The following ROCK2 variants were observed in gnomAD, a reference collection of about 807,000 sequenced individuals.
ROCK2 encodes the protein rho-associated protein kinase 2.
ROCK2 carries 61 observed loss-of-function variants against 195.1 expected under a neutral mutation model. The ratio of observed to expected loss-of-function variants is 0.31; its 90% confidence interval spans 0.25 to 0.39. The LOEUF (loss-of-function observed/expected upper bound fraction) is 0.39, where lower values mean the gene tolerates loss of function less well. Ranked by LOEUF, ROCK2 falls within the 10% of genes least tolerant of loss-of-function variation. The pLI is 1.00. For synonymous variants in ROCK2, 504 were observed against 545.5 expected (o/e 0.92, Z 1.06); for missense variants, 1,109 against 1,637.4 (o/e 0.68, Z 5.57).
chr2:11,214,055 T>C lies in ROCK2; in HGVS notation c.2043+302A>G, dbSNP rs189188386. On this transcript the variant is annotated intron_variant, in intron 17 of 32. Transcript: ENST00000315872. Reference sequence around the variant, plus strand: ...AGTCATGGTGACTTTATATATGGCATTTTTAAGACATGTTATGAGTCGAAA... The same window carrying C: ...AGTCATGGTGACTTTATATATGGCACTTTTAAGACATGTTATGAGTCGAAA... Among the ~76,000 whole-genome samples, 9 of 152,340 alleles carry C rather than the reference T, an allele frequency of 5.9e-5. 1 individual carries two copies. The East Asian group carries it at 1.7e-3, about 29-fold the overall frequency.
intron 1 of ROCK2, among the ~76,000 whole-genome samples, chr2:11,322,510 T>A (rs1463518970): frequency 3.3e-5 from 5 of 151,978 alleles, no homozygotes; most frequent in African/African-American, 1.2e-4. Context: ...GCATCCATAA[T>A]GCTCTTCTAA....
intron 20 of ROCK2, among the ~76,000 whole-genome samples, chr2:11,203,890 T>C (rs181875754): frequency 9.8e-5 from 15 of 152,332 alleles, no homozygotes; most frequent in Non-Finnish European, 2.1e-4. Context: ...AACCACAGTA[T>C]AATTTTAACA....
At chr2:11,325,200 C>T (rs1668510911) in intron 1 of ROCK2, among the ~76,000 whole-genome samples, 1 of 152,160 alleles carries the variant, frequency 6.6e-6, no homozygotes, top group African/African-American at 2.4e-5. Context: ...TCTCCTTATC[C>T]GTGAGTTGCA....
chr2:11,262,451 C>CA (rs1251168902), intron 3 of ROCK2, among the ~76,000 whole-genome samples: 2 of 152,204 alleles, frequency 1.3e-5, no homozygotes. Flanking sequence ...GCTGTGCCCC[C>CA]AAACAAATCT....
intron 3 of ROCK2, among the ~76,000 whole-genome samples, chr2:11,255,016 G>A (rs12618325): frequency 0.28 from 42,146 of 151,652 alleles, 6,192 homozygotes; most frequent in East Asian, 0.54. Flanking sequence ...AGGAGATTGA[G>A]ACCATCCTGG....
intron 1 of ROCK2, among the ~76,000 whole-genome samples, chr2:11,321,079 T>A (rs1668384891): frequency 6.6e-6 from 1 of 152,224 alleles, no homozygotes; most frequent in South Asian, 2.1e-4. Context: ...CTTGAGGTAC[T>A]GTACTCAAAA....
At chr2:11,255,743 A>G (rs1441162058) in intron 3 of ROCK2, among the ~76,000 whole-genome samples, 1 of 150,386 alleles carries the variant, frequency 6.6e-6, no homozygotes, top group Non-Finnish European at 1.5e-5. Context: ...AACATGGTGA[A>G]ACCCCGTCTC....
At chr2:11,308,920 T>C in intron 1 of ROCK2, 1 of 1,611,976 alleles carries the variant, frequency 6.2e-7, no homozygotes, top group Non-Finnish European at 8.5e-7. Flanking sequence ...TTCATCTACA[T>C]CAAACTTTGC....
At chr2:11,306,810 C>T (rs1386224193) in intron 1 of ROCK2, among the ~76,000 whole-genome samples, 2 of 152,212 alleles carry the variant, frequency 1.3e-5, no homozygotes, top group African/African-American at 4.8e-5. Flanking sequence ...AGCCATAATA[C>T]TGCAGCCAGC....
At chr2:11,198,376 C>A in intron 25 of ROCK2, 115 bp downstream of exon 25, 1 of 691,568 alleles carries the variant, frequency 1.4e-6, no homozygotes, top group Non-Finnish European at 2.4e-6. Flanking sequence ...TGTGACTTCA[C>A]AAATATTGGT....
intron 3 of ROCK2, among the ~76,000 whole-genome samples, chr2:11,275,192 G>A (rs931164322): frequency 6.6e-6 from 1 of 151,950 alleles, no homozygotes; most frequent in African/African-American, 2.4e-5. Flanking sequence ...GGGAGGCAGA[G>A]GTTGCAGTGA....
chr2:11,236,199 A>G (rs1665197974), intron 4 of ROCK2, among the ~76,000 whole-genome samples: 1 of 152,134 alleles, frequency 6.6e-6, no homozygotes, highest in South Asian at 2.1e-4. Context: ...CCCCTCATGG[A>G]GAACACAATA....
chr2:11,235,186 C>A lies in ROCK2; in HGVS notation c.723+516G>T, dbSNP rs543789020. Among the ~76,000 whole-genome samples the A allele has an allele frequency of 1.1e-4, 17 of 152,242 alleles. No homozygotes were observed. The highest frequency in any genetic ancestry group is 4.1e-4 in the African/African-American group (17 of 41,552). ...ACGAGGTTAATGCCACTGAACCTAT[C>A]AATCATAATATGAATTGATCAACAG... On this transcript the variant is annotated intron_variant, in intron 5 of 32. Transcript: ENST00000315872. This position sits in a 1 kb window ranked among gnomAD's most constrained non-coding sequence, Gnocchi z 4.2.
At chr2:11,330,614 G>A (rs914894962) in intron 1 of ROCK2, among the ~76,000 whole-genome samples, 2 of 151,940 alleles carry the variant, frequency 1.3e-5, no homozygotes, top group Non-Finnish European at 2.9e-5. Context: ...AGAAGCGGAG[G>A]CTGCAGTGAG....
At chr2:11,269,046 T>C (rs904410742) in intron 3 of ROCK2, among the ~76,000 whole-genome samples, 22 of 152,202 alleles carry the variant, frequency 1.4e-4, no homozygotes, top group African/African-American at 5.3e-4. Context: ...CTTTGACTCC[T>C]TTTAGTGTTT....
chr2:11,215,843 T>G (rs1436329895), intron 13 of ROCK2, among the ~76,000 whole-genome samples, 198 bp from the exon 14 acceptor site: 1 of 152,224 alleles, frequency 6.6e-6, no homozygotes, highest in Non-Finnish European at 1.5e-5. Flanking sequence ...AATGTTTTGT[T>G]TACTATTCAA....
At chr2:11,325,310 T>C (rs931182359) in intron 1 of ROCK2, among the ~76,000 whole-genome samples, 3 of 152,232 alleles carry the variant, frequency 2.0e-5, no homozygotes, top group African/African-American at 7.2e-5. Flanking sequence ...CACAGGGGTC[T>C]TGGGGTCTTG....
intron 3 of ROCK2, among the ~76,000 whole-genome samples, chr2:11,274,885 ATATAT>A (rs897015400): frequency 2.6e-5 from 4 of 152,200 alleles, no homozygotes; most frequent in Non-Finnish European, 4.4e-5. Flanking sequence ...AATCCTATAT[ATATAT>A]TATGTTTTTT....
chr2:11,325,738 A>T (rs1668530411), intron 1 of ROCK2, among the ~76,000 whole-genome samples: 1 of 152,254 alleles, frequency 6.6e-6, no homozygotes, highest in Non-Finnish European at 1.5e-5. Flanking sequence ...TTTCATAATT[A>T]GTCTGGCTGG....
Sources: gnomAD v4.1 joint callset for allele counts (sites outside exome capture counted in the v4.1 genomes callset) on GRCh38, gnomAD v4.1.1 for gene constraint, Gnocchi (gnomAD v3.1) non-coding constraint, MANE v1.5 for transcripts, NCBI Gene and HGNC (gene_info 2026-07-23, HGNC 2026-07-21) for gene names.